Variants in VPS13B observed in about 807,000 individuals in gnomAD.
VPS13B encodes the protein intermembrane lipid transfer protein VPS13B.
A neutral mutation model predicts 426.4 loss-of-function variants in VPS13B; 285 were observed. That is an observed-to-expected ratio of 0.67 (90% CI 0.61 to 0.74). The LOEUF (loss-of-function observed/expected upper bound fraction) is 0.74. Among genes scored for constraint, VPS13B ranks in the 30% least tolerant of loss-of-function variants. The probability of loss-of-function intolerance (pLI) is 0.00; values close to 1 mark genes in which losing one functional copy is unlikely to be tolerated. For synonymous variants in VPS13B, 1,676 were observed against 1,676.4 expected (o/e 1.00, Z 0.01); for missense variants, 4,537 against 4,782.6 (o/e 0.95, Z 1.51).
In VPS13B at chr8:99,790,005, A is replaced by C. The variant is rs182700162; in HGVS notation, c.7941+5529A>C. Among the ~76,000 whole-genome samples, 565 of 152,228 alleles carry C rather than the reference A, an allele frequency of 3.7e-3. 1 individual carries two copies. Among genetic ancestry groups the C allele is most frequent in the Non-Finnish European group, 6.1e-3 (416 of 67,976 alleles). ...TAAATTTGAGACATTAAGCACCCCC[A>C]CACACACACCCAAAACTCACATACA... On this transcript the variant is annotated intron_variant, in intron 43 of 61. Coordinates refer to ENST00000357162, the MANE Select transcript of VPS13B (RefSeq NM_152564.5).
At chr8:99,103,362 C>G (rs548292443) in intron 5 of VPS13B, among the ~76,000 whole-genome samples, 1 of 152,240 alleles carries the variant, frequency 6.6e-6, no homozygotes, top group East Asian at 1.9e-4. Flanking sequence ...CAGGGTCTGG[C>G]TCTGTTGCCC....
chr8:99,650,024 C>T (rs572167901), intron 34 of VPS13B, among the ~76,000 whole-genome samples: 4 of 152,270 alleles, frequency 2.6e-5, no homozygotes, highest in African/African-American at 9.6e-5. Context: ...TAATTGTAAG[C>T]AGCATGAGAG....
At chr8:99,386,301 A>G (rs2133299917) in intron 20 of VPS13B, among the ~76,000 whole-genome samples, 1 of 152,238 alleles carries the variant, frequency 6.6e-6, no homozygotes, top group East Asian at 1.9e-4. Context: ...ATAACTTTTA[A>G]AATGAACATA....
At chr8:99,577,810 G>T in intron 33 of VPS13B, 177 bp downstream of exon 33, 1 of 917,726 alleles carries the variant, frequency 1.1e-6, no homozygotes, top group Non-Finnish European at 1.6e-6. Context: ...AATTTGTTTG[G>T]TCTCTATTCC....
chr8:99,850,001 G>T (rs1224933298), intron 55 of VPS13B, among the ~76,000 whole-genome samples: 3 of 109,646 alleles, frequency 2.7e-5, no homozygotes, highest in African/African-American at 1.1e-4. Context: ...AAGTACGCAT[G>T]TATGTACTTA....
intron 57 of VPS13B, 82 bp from the exon 58 acceptor site, chr8:99,861,694 C>T: frequency 2.0e-6 from 3 of 1,533,150 alleles, no homozygotes; most frequent in African/African-American, 1.4e-5. Flanking sequence ...GCCACAGGTG[C>T]TCCCGCTGCC....
intron 15 of VPS13B, among the ~76,000 whole-genome samples, chr8:99,165,397 A>G (rs1250430129): frequency 1.3e-5 from 2 of 152,170 alleles, no homozygotes; most frequent in South Asian, 2.1e-4. Context: ...TGGCAAACCC[A>G]TCGTTTGAAT....
chr8:99,825,376 T>A (rs1814619143), intron 51 of VPS13B, among the ~76,000 whole-genome samples: 2 of 152,322 alleles, frequency 1.3e-5, no homozygotes, highest in East Asian at 3.9e-4. Flanking sequence ...TGTCTTCTTT[T>A]GAGAAGTGTC....
intron 35 of VPS13B, among the ~76,000 whole-genome samples, chr8:99,662,782 C>T (rs1350007512): frequency 6.6e-6 from 1 of 152,138 alleles, no homozygotes; most frequent in Non-Finnish European, 1.5e-5. Context: ...CATGGTGGCT[C>T]ACACCTGTAA....
At chr8:99,830,601 G>C (rs1814985148) in intron 51 of VPS13B, among the ~76,000 whole-genome samples, 1 of 152,162 alleles carries the variant, frequency 6.6e-6, no homozygotes, top group Non-Finnish European at 1.5e-5. Context: ...CTTTCCAGGG[G>C]AGTGAACGAT....
chr8:99,542,986 A>G (rs1823711852), intron 30 of VPS13B, among the ~76,000 whole-genome samples: 1 of 152,212 alleles, frequency 6.6e-6, no homozygotes, highest in Non-Finnish European at 1.5e-5. Flanking sequence ...GGAACCAAAA[A>G]AGAGCCCGCA....
At chr8:99,416,195 C>G (rs376478296) in intron 21 of VPS13B, among the ~76,000 whole-genome samples, 1 of 152,180 alleles carries the variant, frequency 6.6e-6, no homozygotes, top group South Asian at 2.1e-4. Context: ...TCAGACTTCC[C>G]GATGGCTTTG....
At chr8:99,818,617 G>A in intron 46 of VPS13B, 83 bp downstream of exon 46, 1 of 1,602,738 alleles carries the variant, frequency 6.2e-7, no homozygotes, top group Non-Finnish European at 8.5e-7. Context: ...GAGTGACCCA[G>A]GGAAGAGATT....
chr8:99,717,526 A>G (rs1405839787), intron 37 of VPS13B, among the ~76,000 whole-genome samples, 153 bp downstream of exon 37: 1 of 152,242 alleles, frequency 6.6e-6, no homozygotes, highest in South Asian at 2.1e-4. Context: ...TTATTGAGAT[A>G]TAAGTCATAT....
intron 21 of VPS13B, among the ~76,000 whole-genome samples, chr8:99,395,977 T>G (rs1002790724): frequency 6.6e-6 from 1 of 152,116 alleles, no homozygotes; most frequent in African/African-American, 2.4e-5. Context: ...AATTAGATGT[T>G]GAGTAGTAGA....
At chr8:99,023,700 C>T (rs1360003181) in intron 2 of VPS13B, among the ~76,000 whole-genome samples, 2 of 152,056 alleles carry the variant, frequency 1.3e-5, no homozygotes, top group African/African-American at 4.8e-5. Context: ...AGGCTGGTCT[C>T]GAATGCCTGA....
chr8:99,015,844 A>G (rs567813332), intron 2 of VPS13B, among the ~76,000 whole-genome samples: 35 of 152,220 alleles, frequency 2.3e-4, no homozygotes, highest in Middle Eastern at 3.4e-3. Context: ...TGGAGGTTGC[A>G]GTGAGCCGAG....
intron 3 of VPS13B, among the ~76,000 whole-genome samples, chr8:99,051,263 C>T (rs1048831452): frequency 3.9e-5 from 6 of 152,150 alleles, no homozygotes; most frequent in South Asian, 4.1e-4. Flanking sequence ...GCCAGTTTTC[C>T]CAGCACCATT....
At chr8:99,668,748 T>G (rs1231162157) in intron 35 of VPS13B, among the ~76,000 whole-genome samples, 1 of 152,062 alleles carries the variant, frequency 6.6e-6, no homozygotes, top group Non-Finnish European at 1.5e-5. Flanking sequence ...AGAAACCCAC[T>G]AGAATAATAT....
Sources: gnomAD v4.1 joint callset for allele counts (sites outside exome capture counted in the v4.1 genomes callset) on GRCh38, gnomAD v4.1.1 for gene constraint, MANE v1.5 for transcripts, NCBI Gene and HGNC (gene_info 2026-07-23, HGNC 2026-07-21) for gene names.